Variants in CACNA1B observed in about 807,000 individuals in gnomAD.
CACNA1B encodes voltage-dependent N-type calcium channel subunit alpha-1B.
A neutral mutation model predicts 247.2 loss-of-function variants in CACNA1B; 70 were observed. That is an observed-to-expected ratio of 0.28 (90% confidence interval 0.23 to 0.35). The LOEUF (loss-of-function observed/expected upper bound fraction) is 0.35. Ranked by LOEUF, CACNA1B falls within the 10% of genes least tolerant of loss-of-function variation. The probability of loss-of-function intolerance (pLI) is 1.00; values close to 1 mark genes in which losing one functional copy is unlikely to be tolerated. For missense variants in CACNA1B, 2,367 were observed against 3,197.4 expected, an observed-to-expected ratio of 0.74 and a Z score of 6.26; for synonymous variants, 1,231 against 1,294.4, an observed-to-expected ratio of 0.95 and a Z score of 1.05.
At chr9:138,035,567 A>G (rs905065791) in intron 20 of CACNA1B, among the ~76,000 whole-genome samples, 2 of 152,018 alleles carry the variant, frequency 1.3e-5, no homozygotes, top group African/African-American at 4.8e-5. Context: ...CCACTTTTAT[A>G]TTTCTGATAG....
rs1958717491 is a variant in CACNA1B, at chr9:138,011,014, G to A, written c.2160+937G>A. 6.6e-6 allele frequency among the ~76,000 whole-genome samples: 1 copy of A among 152,198 alleles called. No individual in the cohort carries two copies. Among genetic ancestry groups the A allele is most frequent in the African/African-American group, 2.4e-5 (1 of 41,454 alleles). On this transcript the variant is annotated intron_variant, in intron 17 of 46. Transcript: ENST00000371372. The surrounding 1 kb of genome is among the most constrained non-coding windows in gnomAD (Gnocchi z 4.2). ...GTGTGGTCCATGCGGTGTGCCAGCT[G>A]CAGCCTGAGCCTCCCTTTGCTTCTG...
rs753995157 is a variant in CACNA1B, at chr9:138,094,442, T to TAAAAAAAAAAAAAAAAA, written c.5095-2041_5095-2025dup. On this transcript the variant is annotated intron_variant, in intron 36 of 46. Coordinates refer to ENST00000371372, the MANE Select transcript of CACNA1B (RefSeq NM_000718.4). ...TTTTTGTTATGTATCTTTACTACAG[T>TAAAAAAAAAAAAAAAAA]AAAAAAAAAAAAAAAAAGAAGAAGA... 3.7e-4 allele frequency among the ~76,000 whole-genome samples: 35 copies of TAAAAAAAAAAAAAAAAA among 93,646 alleles called. 1 individual carries two copies. The highest frequency in any genetic ancestry group is 8.9e-4 in the African/African-American group (25 of 28,068). The allele number at this position is 93,646 out of a possible 152,430, so 61.4% of individuals were successfully genotyped here. A position where few individuals can be genotyped will look rare whatever the true frequency, so the allele number is the denominator to read the frequency against.
chr9:137,971,320 C>T lies in CACNA1B; in HGVS notation c.1334-63C>T, dbSNP rs1370127244. On this transcript the variant is annotated intron_variant, in intron 10 of 46. Transcript: ENST00000371372. The surrounding 1 kb of genome is among the most constrained non-coding windows in gnomAD (Gnocchi z 4.4). ...CCTCCAGAGTGCGTCTGTGGGGGTC[C>T]ACAGGTGGGGTAGGCGGGTGCCCAT... is the stretch of plus-strand genomic sequence containing the variant. 5 of 1,241,044 alleles carry T rather than the reference C, an allele frequency of 4.0e-6. No individual in the cohort carries two copies. In the African/African-American group the frequency reaches 7.4e-5, roughly 18 times the overall value. The allele number at this position is 1,241,044 out of a possible 1,614,324, so 76.9% of individuals were successfully genotyped here.
chr9:137,979,466 A>G (rs1958268394), intron 12 of CACNA1B, among the ~76,000 whole-genome samples: 1 of 152,074 alleles, frequency 6.6e-6, no homozygotes, highest in Admixed American at 6.5e-5. Flanking sequence ...GAAAGATCCC[A>G]TCAGTTTTGC....
rs1347497191 is a variant in CACNA1B at position 138,044,779 on chromosome 9, C to T, written c.3413+879C>T. ...CGATCTGCCCATCCCCTTCTTCTTT[C>T]ACCACCCAACCGTCTTTCTACCAAG... On this transcript the variant is annotated intron_variant, in intron 21 of 46. Coordinates refer to ENST00000371372, the MANE Select transcript of CACNA1B (RefSeq NM_000718.4). Among the ~76,000 whole-genome samples, 4 of 152,372 alleles carry T rather than the reference C, an allele frequency of 2.6e-5. No homozygotes were observed. In the East Asian group the frequency reaches 7.7e-4, roughly 29 times the overall value.
chr9:137,913,115 A>T lies in CACNA1B; in HGVS notation c.531-65A>T. The T allele has an allele frequency of 1.6e-6, 2 of 1,239,208 alleles. No individual in the cohort carries two copies. The highest frequency in any genetic ancestry group is 2.3e-5 in the East Asian group (1 of 42,768). The allele number at this position is 1,239,208 out of a possible 1,614,324, so 76.8% of individuals were successfully genotyped here. A position where few individuals can be genotyped will look rare whatever the true frequency, so the allele number is the denominator to read the frequency against. On this transcript the variant is annotated intron_variant, in intron 3 of 46. Transcript: ENST00000371372. The surrounding 1 kb of genome is among the most constrained non-coding windows in gnomAD (Gnocchi z 5.2). Reference sequence around the variant, plus strand: ...GAGACATGACCCTGGTGGTGGGAGGAGTGTGTCCTCTTCCAGGCTCAATGT... The same window carrying T: ...GAGACATGACCCTGGTGGTGGGAGGTGTGTGTCCTCTTCCAGGCTCAATGT...
rs199602533 is a variant in CACNA1B, at chr9:138,013,242, C to T, written c.2267+7C>T. On this transcript the variant is annotated splice_region_variant and intron_variant, in intron 18 of 46. Transcript: ENST00000371372. ...CGAACATCTCCATCGCCGCGTAAGGCTCCTAGGAGTGGATTGTGGGGTGGC... is the reference window on the plus strand; with the variant it reads ...CGAACATCTCCATCGCCGCGTAAGGTTCCTAGGAGTGGATTGTGGGGTGGC... The T allele has an allele frequency of 5.1e-6, 8 of 1,572,896 alleles. No homozygotes were observed. The highest frequency in any genetic ancestry group is 3.4e-6 in the Non-Finnish European group (4 of 1,159,718).
At chr9:137,991,763 A>T (rs542941203) in intron 15 of CACNA1B, among the ~76,000 whole-genome samples, 10 of 152,340 alleles carry the variant, frequency 6.6e-5, no homozygotes, top group African/African-American at 2.4e-4. Flanking sequence ...AAGCCAGAAG[A>T]GATTGATTAG....
At chr9:138,093,261 A>G (rs542569980) in intron 36 of CACNA1B, among the ~76,000 whole-genome samples, 1 of 152,198 alleles carries the variant, frequency 6.6e-6, no homozygotes, top group East Asian at 1.9e-4. Context: ...CTCTACTAAA[A>G]ATACAAAAAT....
intron 20 of CACNA1B, among the ~76,000 whole-genome samples, chr9:138,031,183 T>C (rs1018962011): frequency 2.0e-5 from 3 of 152,206 alleles, no homozygotes; most frequent in Non-Finnish European, 4.4e-5. Flanking sequence ...CATTTAGCTC[T>C]GTAAGTTTCC....
intron 20 of CACNA1B, chr9:138,040,777 C>T: frequency 5.4e-6 from 1 of 183,874 alleles, no homozygotes; most frequent in Non-Finnish European, 1.2e-5. Context: ...CCGCAGCCCA[C>T]TGACTCAAAT....
At chr9:137,910,440 C>A (rs1387841592) in intron 3 of CACNA1B, among the ~76,000 whole-genome samples, 1 of 152,034 alleles carries the variant, frequency 6.6e-6, no homozygotes, top group Non-Finnish European at 1.5e-5. Context: ...GACCAGAGGT[C>A]GGGGGATGGT....
At chr9:138,016,003 TAC>T (rs1435535668) in intron 18 of CACNA1B, among the ~76,000 whole-genome samples, 1 of 151,616 alleles carries the variant, frequency 6.6e-6, no homozygotes, top group South Asian at 2.1e-4. Context: ...TATACACAAG[TAC>T]ACACAGACAC....
chr9:137,993,245 G>T (rs989656218), intron 15 of CACNA1B, among the ~76,000 whole-genome samples: 3 of 151,834 alleles, frequency 2.0e-5, no homozygotes, highest in African/African-American at 4.8e-5. Context: ...TGAACAAAAA[G>T]CTGGTTCTTT....
intron 45 of CACNA1B, 53 bp from the exon 46 acceptor site, chr9:138,120,577 CA>C (rs1962051343): frequency 8.9e-6 from 13 of 1,461,804 alleles, no homozygotes; most frequent in Non-Finnish European, 1.2e-5. Context: ...GCCCGGGGGT[CA>C]GGGGTCCCTG....
At chr9:137,938,932 G>C (rs1251051152) in intron 6 of CACNA1B, among the ~76,000 whole-genome samples, 1 of 152,174 alleles carries the variant, frequency 6.6e-6, no homozygotes, top group East Asian at 1.9e-4. Flanking sequence ...ATAGCCAGGT[G>C]TGGTGGCAGG....
At chr9:137,970,618 G>T (rs970940945) in intron 10 of CACNA1B, among the ~76,000 whole-genome samples, 4 of 152,190 alleles carry the variant, frequency 2.6e-5, no homozygotes, top group African/African-American at 9.7e-5. Context: ...TAAATGGTGT[G>T]CCCAGAGCAG....
rs546530177 is a variant in CACNA1B at position 138,059,528 on chromosome 9, G to A, written c.4585-126G>A. The A allele has an allele frequency of 1.4e-6, 1 of 692,026 alleles. No individual in the cohort carries two copies. Among genetic ancestry groups the A allele is most frequent in the Non-Finnish European group, 2.6e-6 (1 of 383,974 alleles). The allele number at this position is 692,026 out of a possible 1,614,324, so 42.9% of individuals were successfully genotyped here. On this transcript the variant is annotated intron_variant, in intron 30 of 46. Transcript: ENST00000371372. The surrounding 1 kb of genome is among the most constrained non-coding windows in gnomAD (Gnocchi z 4.2). The stretch of plus-strand genomic sequence containing the variant: ...TGTGCTGTGCCCCCTGGGGTGGCCT[G>A]TCTGCCCTGTGCTCAGGGTCTATCA...
chr9:137,944,471 T>C (rs1025224786), intron 6 of CACNA1B, among the ~76,000 whole-genome samples: 1 of 152,188 alleles, frequency 6.6e-6, no homozygotes, highest in African/African-American at 2.4e-5. Flanking sequence ...TTAGGATCAG[T>C]AATGGAGATT....
Sources: allele counts gnomAD v4.1 joint callset (sites outside exome capture counted in the v4.1 genomes callset), GRCh38; gene constraint gnomAD v4.1.1; non-coding constraint Gnocchi (gnomAD v3.1); transcripts MANE v1.5; gene names NCBI Gene and HGNC (gene_info 2026-07-23, HGNC 2026-07-21).